Variants in F11R observed in about 807,000 individuals in gnomAD.
F11R encodes F11 receptor, also known as junctional adhesion molecule A.
In F11R, 27 loss-of-function variants were observed where a neutral mutation model predicts 39.3. The observed-to-expected ratio is 0.69, with a 90% CI of 0.51 to 0.95. The LOEUF is 0.95. Among genes scored for constraint, F11R ranks in the 40% least tolerant of loss-of-function variants. F11R has a pLI of 0.00. For missense variants in F11R, 335 were observed against 372.7 expected (o/e 0.90, Z 0.83); for synonymous variants, 131 against 144.9 (o/e 0.90, Z 0.69).
chr1:161,005,210 AAT>A (rs1648734213), intron 1 of F11R, among the ~76,000 whole-genome samples: 1 of 149,214 alleles, frequency 6.7e-6, no homozygotes, highest in Non-Finnish European at 1.5e-5. Context: ...TAGATATGGA[AAT>A]TAAACCAAAT....
intron 1 of F11R, among the ~76,000 whole-genome samples, chr1:161,004,943 T>C (rs1648717154): frequency 6.6e-6 from 1 of 151,814 alleles, no homozygotes; most frequent in Non-Finnish European, 1.5e-5. Context: ...GGGAGACTGC[T>C]TGAGGGCAGG....
At chr1:161,017,268 T>G (rs1274990736) in intron 1 of F11R, among the ~76,000 whole-genome samples, 1 of 152,076 alleles carries the variant, frequency 6.6e-6, no homozygotes, top group Non-Finnish European at 1.5e-5. Context: ...GGGTCTGTGC[T>G]GAGGAGGATT....
chr1:160,999,859 C>G lies in F11R; in HGVS notation c.694+17G>C, dbSNP rs1648359815. Reference sequence around the variant, plus strand: ...CCAATCCCCACCCCAGGTCTGGGCTCAAGCCCTAACTCTCACCAGCTTCCA... The same window carrying G: ...CCAATCCCCACCCCAGGTCTGGGCTGAAGCCCTAACTCTCACCAGCTTCCA... On this transcript the variant is annotated intron_variant, in intron 6 of 9. Transcript: ENST00000368026. 1.9e-6 allele frequency: 3 copies of G among 1,613,316 alleles called. No homozygotes were observed. The highest frequency in any genetic ancestry group is 1.7e-6 in the Non-Finnish European group (2 of 1,179,492).
intron 1 of F11R, among the ~76,000 whole-genome samples, chr1:161,010,900 G>C (rs1649115519): frequency 6.7e-6 from 1 of 149,442 alleles, no homozygotes; most frequent in Non-Finnish European, 1.5e-5. Flanking sequence ...CTTGAACCTG[G>C]GAGGTGGAGG....
intron 1 of F11R, among the ~76,000 whole-genome samples, chr1:161,007,808 ACCATATCTCC>A (rs1356740936): frequency 6.6e-6 from 1 of 152,094 alleles, no homozygotes; most frequent in Non-Finnish European, 1.5e-5. Flanking sequence ...AGCCTACCAA[ACCATATCTCC>A]CCTGTCATTG....
chr1:160,995,466 T>C lies in F11R; in HGVS notation c.*3405A>G, dbSNP rs1165029626. 1 of 151,166 alleles carries C rather than the reference T, an allele frequency of 6.6e-6. No homozygotes were observed. Among genetic ancestry groups the C allele is most frequent in the Non-Finnish European group, 1.5e-5 (1 of 67,766 alleles). 9.4% of individuals were successfully genotyped at this position (151,166 alleles called of 1,614,324 possible). ...AATACGTAAGATAGAACATGGGAGG[T>C]GATGTGGCCGGGTGCAGTGACTCAC... On this transcript the variant is annotated 3_prime_UTR_variant, in exon 10 of 10. Transcript: ENST00000368026.
chr1:161,006,437 A>G (rs1004854531), intron 1 of F11R, among the ~76,000 whole-genome samples: 7 of 152,116 alleles, frequency 4.6e-5, no homozygotes, highest in Non-Finnish European at 8.8e-5. Flanking sequence ...TATACACACA[A>G]ATCACAACAT....
intron 1 of F11R, among the ~76,000 whole-genome samples, chr1:161,011,393 G>A (rs1649150472): frequency 6.6e-6 from 1 of 152,128 alleles, no homozygotes; most frequent in Non-Finnish European, 1.5e-5. Context: ...AACAAAAGGT[G>A]AATAAGTAAA....
chr1:161,011,140 C>T (rs1649135903), intron 1 of F11R, among the ~76,000 whole-genome samples: 1 of 151,964 alleles, frequency 6.6e-6, no homozygotes, highest in Admixed American at 6.5e-5. Context: ...TCAAGAGATT[C>T]TCCTGCCTCA....
chr1:161,001,455 C>T lies in F11R; in HGVS notation c.65-102G>A, dbSNP rs930942699. On this transcript the variant is annotated intron_variant, in intron 1 of 9. Coordinates refer to ENST00000368026, the MANE Select transcript of F11R (RefSeq NM_016946.6). ...GGACAGGGCTTCTCCATTCACAGACCCTAAGAGGAAGGGATTCCAGACTTA... is the reference window on the plus strand; with the variant it reads ...GGACAGGGCTTCTCCATTCACAGACTCTAAGAGGAAGGGATTCCAGACTTA... 4 of 945,530 alleles carry T rather than the reference C, an allele frequency of 4.2e-6. No homozygotes were observed. In the African/African-American group the frequency reaches 4.9e-5, roughly 11 times the overall value. The allele number at this position is 945,530 out of a possible 1,614,324, so 58.6% of individuals were successfully genotyped here. A position where few individuals can be genotyped will look rare whatever the true frequency, so the allele number is the denominator to read the frequency against.
intron 5 of F11R, 46 bp from the exon 6 acceptor site, chr1:161,000,024 G>A (rs1571006427): frequency 1.9e-5 from 30 of 1,604,340 alleles, no homozygotes; most frequent in Non-Finnish European, 2.6e-5. Flanking sequence ...AAGCAAAATA[G>A]ACATTTTTTA....
chr1:161,020,955 T>C, intron 1 of F11R, 55 bp downstream of exon 1: 1 of 1,542,358 alleles, frequency 6.5e-7, no homozygotes, highest in Non-Finnish European at 9.0e-7. Flanking sequence ...GGGGAGAGCC[T>C]TCCTCCAACC....
chr1:161,004,995 T>C (rs1473262153), intron 1 of F11R, among the ~76,000 whole-genome samples: 1 of 151,418 alleles, frequency 6.6e-6, no homozygotes, highest in Admixed American at 6.6e-5. Context: ...ATCTCGTCTC[T>C]AGTAAAAGTA....
At position 161,001,058 on chromosome 1, in the gene F11R, T is replaced by C; in HGVS notation, c.203A>G (p.Asp68Gly). The part of the protein sequence containing the change: ...PRVEWKFDQG[D>G]TTRLVCYNNK... Reference sequence around the variant, plus strand: ...ATTATAGCAAACGAGTCTGGTGGTGTCTCCTTGGTCAAACTTCCACTCCAC... The same window carrying C: ...ATTATAGCAAACGAGTCTGGTGGTGCCTCCTTGGTCAAACTTCCACTCCAC... Residue 68 changes from aspartate (D) to glycine (G), a missense_variant, in exon 3 of 10, where the codon GAC becomes GGC. By Grantham distance (94) the Asp-to-Gly change is moderately conservative. Coordinates refer to ENST00000368026, the MANE Select transcript of F11R (RefSeq NM_016946.6). The C allele has an allele frequency of 6.2e-7, 1 of 1,613,994 alleles. No homozygotes were observed. The highest frequency in any genetic ancestry group is 8.5e-7 in the Non-Finnish European group (1 of 1,179,998).
In F11R at chr1:160,998,818, CG is replaced by C; in HGVS notation, c.*52del. ...ACTACAGACATCAGGGGCCAGAGTC[CG>C]GTAGCACCTGAGTAAGGCAAATGCA... On this transcript the variant is annotated 3_prime_UTR_variant, in exon 10 of 10. Transcript: ENST00000368026. The C allele has an allele frequency of 2.5e-6, 4 of 1,587,476 alleles. No individual in the cohort carries two copies. The highest frequency in any genetic ancestry group is 3.5e-6 in the Non-Finnish European group (4 of 1,155,808).
chr1:160,999,825 A>G (rs1203053657), intron 6 of F11R, 51 bp downstream of exon 6: 2 of 1,608,644 alleles, frequency 1.2e-6, no homozygotes, highest in African/African-American at 2.7e-5. Context: ...GCAGGATGAA[A>G]AGCAGACCCC....
chr1:161,012,640 T>TTTATTTA (rs1557894359), intron 1 of F11R, among the ~76,000 whole-genome samples: 4 of 55,288 alleles, frequency 7.2e-5, no homozygotes, highest in Non-Finnish European at 1.5e-4. Context: ...TTATTTATTT[T>TTTATTTA]GAGACAGAGT....
At chr1:161,006,146 A>G (rs1388030752) in intron 1 of F11R, among the ~76,000 whole-genome samples, 9 of 148,902 alleles carry the variant, frequency 6.0e-5, no homozygotes, top group Non-Finnish European at 7.5e-5. Flanking sequence ...TCAAAAAAAA[A>G]AGGGGGGGGG....
At chr1:160,999,195 A>T in intron 8 of F11R, 104 bp from the exon 9 acceptor site, 4 of 1,521,556 alleles carry the variant, frequency 2.6e-6, no homozygotes, top group Non-Finnish European at 2.7e-6. Flanking sequence ...AGAAGCACAG[A>T]GTGCGCAGCA....
Sources: allele counts gnomAD v4.1 joint callset (sites outside exome capture counted in the v4.1 genomes callset), GRCh38; gene constraint gnomAD v4.1.1; transcripts MANE v1.5; gene names NCBI Gene and HGNC (gene_info 2026-07-23, HGNC 2026-07-21).